Variants in MUSK observed in about 807,000 individuals in gnomAD.
MUSK encodes the protein muscle associated receptor tyrosine kinase.
In MUSK, 55 loss-of-function variants were observed where a neutral mutation model predicts 88.7. The ratio of observed to expected loss-of-function variants is 0.62; its 90% CI spans 0.50 to 0.78. The LOEUF is 0.78. MUSK is among the 30% of genes least tolerant of loss of function. The probability of loss-of-function intolerance (pLI) is 0.00; values close to 1 mark genes in which losing one functional copy is unlikely to be tolerated. For synonymous variants in MUSK, 387 were observed against 391.9 expected, an observed-to-expected ratio of 0.99 and a Z score of 0.15; for missense variants, 1,015 against 1,074.3, an observed-to-expected ratio of 0.94 and a Z score of 0.77.
chr9:110,797,812 A>C (rs1435086946), intron 14 of MUSK, among the ~76,000 whole-genome samples: 1 of 152,180 alleles, frequency 6.6e-6, no homozygotes, highest in Non-Finnish European at 1.5e-5. Flanking sequence ...AAACATACAT[A>C]CATGCATATT....
At chr9:110,677,546 C>A (rs1167700875) in intron 1 of MUSK, among the ~76,000 whole-genome samples, 1 of 152,180 alleles carries the variant, frequency 6.6e-6, no homozygotes, top group East Asian at 1.9e-4. Flanking sequence ...CATTCTCCCA[C>A]CCATCTTTTA....
intron 1 of MUSK, among the ~76,000 whole-genome samples, chr9:110,679,935 A>G (rs2076086244): frequency 1.3e-5 from 2 of 152,108 alleles, no homozygotes; most frequent in Admixed American, 6.5e-5. Flanking sequence ...AAACACAAAA[A>G]TTTGTGATTT....
At chr9:110,729,886 C>T (rs1329290463) in intron 5 of MUSK, among the ~76,000 whole-genome samples, 1 of 151,970 alleles carries the variant, frequency 6.6e-6, no homozygotes, top group Non-Finnish European at 1.5e-5. Context: ...AACATGGATG[C>T]CCTGTCCCTT....
At chr9:110,753,819 T>A (rs1192750008) in intron 7 of MUSK, among the ~76,000 whole-genome samples, 1 of 152,226 alleles carries the variant, frequency 6.6e-6, no homozygotes, top group East Asian at 1.9e-4. Flanking sequence ...ATGGTTTTAT[T>A]TTTCTTATTT....
chr9:110,670,220 G>C (rs532307001), intron 1 of MUSK, among the ~76,000 whole-genome samples: 1 of 152,102 alleles, frequency 6.6e-6, no homozygotes, highest in East Asian at 1.9e-4. Context: ...ACAGATAAAA[G>C]AGACTCTAGA....
intron 2 of MUSK, 62 bp downstream of exon 2, chr9:110,682,862 T>C: frequency 1.7e-6 from 2 of 1,172,044 alleles, no homozygotes; most frequent in Non-Finnish European, 2.4e-6. Context: ...TGTATATATA[T>C]GTATATATTT....
Position 110,760,981 on chromosome 9 carries a change from T to G in MUSK, c.914-1221T>G, listed in dbSNP as rs191225390. Reference sequence around the variant, plus strand: ...TCAAAACGGAGTTAGACCTCAACATTAGGAGAAATTTTAATATGGCAAATT... The same window carrying G: ...TCAAAACGGAGTTAGACCTCAACATGAGGAGAAATTTTAATATGGCAAATT... On this transcript the variant is annotated intron_variant, in intron 7 of 14. Coordinates refer to ENST00000374448, the MANE Select transcript of MUSK (RefSeq NM_005592.4). Among the ~76,000 whole-genome samples, 492 of 152,140 alleles carry G rather than the reference T, an allele frequency of 3.2e-3. 4 individuals are homozygous for G. Among genetic ancestry groups the G allele is most frequent in the African/African-American group, 0.011 (468 of 41,510 alleles).
In MUSK at chr9:110,805,608, C is replaced by T. The variant is rs2078150929; in HGVS notation, c.*4620C>T. ...ACTTTTATCATGTTAAAAATATAGA[C>T]TTCTATTTGTCTTTTATTGTAGGTT... On this transcript the variant is annotated 3_prime_UTR_variant, in exon 15 of 15. Coordinates refer to ENST00000374448, the MANE Select transcript of MUSK (RefSeq NM_005592.4). Among the ~76,000 whole-genome samples the T allele has an allele frequency of 1.3e-5, 2 of 151,706 alleles. No homozygotes were observed. Among genetic ancestry groups the T allele is most frequent in the Admixed American group, 6.6e-5 (1 of 15,234 alleles).
chr9:110,743,047 G>A (rs1416491346), intron 6 of MUSK, among the ~76,000 whole-genome samples: 1 of 152,176 alleles, frequency 6.6e-6, no homozygotes, highest in African/African-American at 2.4e-5. Context: ...AAAGACGAAC[G>A]CAGAGCTGGG....
intron 7 of MUSK, 77 bp from the exon 8 acceptor site, chr9:110,762,125 A>T: frequency 4.1e-6 from 5 of 1,218,440 alleles, no homozygotes; most frequent in Non-Finnish European, 5.4e-6. Flanking sequence ...GCCAAAGCAT[A>T]AGATGAAAAT....
chr9:110,736,489 A>G (rs1348307627), intron 6 of MUSK, among the ~76,000 whole-genome samples: 1 of 152,096 alleles, frequency 6.6e-6, no homozygotes, highest in African/African-American at 2.4e-5. Flanking sequence ...CATGTCAGAA[A>G]AACAGCAAGG....
chr9:110,734,701 A>G (rs2077007284), intron 6 of MUSK, among the ~76,000 whole-genome samples: 1 of 152,152 alleles, frequency 6.6e-6, no homozygotes, highest in African/African-American at 2.4e-5. Flanking sequence ...GTTCCCTGCT[A>G]GAGGCTACTT....
chr9:110,712,250 T>C (rs2076681647), intron 5 of MUSK, among the ~76,000 whole-genome samples: 1 of 152,112 alleles, frequency 6.6e-6, no homozygotes, highest in Non-Finnish European at 1.5e-5. Context: ...AAGTACTGTG[T>C]ACTTTATTTT....
intron 11 of MUSK, 98 bp downstream of exon 11, chr9:110,776,753 T>C: frequency 9.5e-7 from 1 of 1,050,296 alleles, no homozygotes; most frequent in Non-Finnish European, 1.4e-6. Flanking sequence ...CAGAACAGAA[T>C]GTACAGCCGC....
intron 1 of MUSK, among the ~76,000 whole-genome samples, chr9:110,669,571 G>A (rs1231718646): frequency 6.6e-6 from 1 of 152,166 alleles, no homozygotes; most frequent in Non-Finnish European, 1.5e-5. Context: ...CTTGGCAAGA[G>A]ACTGCAAAAG....
chr9:110,750,664 G>A (rs575728036), intron 7 of MUSK, among the ~76,000 whole-genome samples: 39 of 152,238 alleles, frequency 2.6e-4, no homozygotes, highest in African/African-American at 9.4e-4. Context: ...CACTTTCAAG[G>A]CATACAGAAT....
At chr9:110,691,360 T>A (rs2076353778) in intron 3 of MUSK, among the ~76,000 whole-genome samples, 1 of 152,118 alleles carries the variant, frequency 6.6e-6, no homozygotes, top group Admixed American at 6.5e-5. Flanking sequence ...CAAACTTCCA[T>A]TGTCTCCTTC....
chr9:110,734,420 G>A, intron 6 of MUSK, 45 bp downstream of exon 6: 3 of 1,611,932 alleles, frequency 1.9e-6, no homozygotes, highest in Non-Finnish European at 2.5e-6. Context: ...AGACCCATTG[G>A]TGGTGAACTT....
chr9:110,682,610 C>G, intron 1 of MUSK, 64 bp from the exon 2 acceptor site: 1 of 1,566,626 alleles, frequency 6.4e-7, no homozygotes. Flanking sequence ...CTTCTGACTG[C>G]TTAAGGAAGG....
Sources: gnomAD v4.1 joint callset for allele counts (sites outside exome capture counted in the v4.1 genomes callset) on GRCh38, gnomAD v4.1.1 for gene constraint, MANE v1.5 for transcripts, NCBI Gene and HGNC (gene_info 2026-07-23, HGNC 2026-07-21) for gene names.